Variants in PHLDB3 observed in about 807,000 individuals in gnomAD.
The protein encoded by PHLDB3 is pleckstrin homology-like domain family B member 3.
In PHLDB3, 86 loss-of-function variants were observed where a neutral mutation model predicts 85.7. That is an observed-to-expected ratio of 1.00 (90% confidence interval 0.84 to 1.20). The LOEUF is 1.20. Ranked by LOEUF, PHLDB3 falls within the 50% of genes most tolerant of loss-of-function variation. PHLDB3 has a pLI of 0.00. For synonymous variants in PHLDB3, 376 were observed against 349.8 expected (o/e 1.07, Z -0.83); for missense variants, 995 against 873.0 (o/e 1.14, Z -1.76).
chr19:43,503,192 C>T (rs1432349444), intron 2 of PHLDB3, among the ~76,000 whole-genome samples: 1 of 152,108 alleles, frequency 6.6e-6, no homozygotes, highest in Non-Finnish European at 1.5e-5. Flanking sequence ...CTCCATGTCT[C>T]TGGGTCTCTG....
rs751976986 is a variant in PHLDB3, at chr19:43,504,113, C to G, written c.6G>C (p.Gly2=). 4 of 1,597,110 alleles carry G rather than the reference C, an allele frequency of 2.5e-6. No individual in the cohort carries two copies. Among genetic ancestry groups the G allele is most frequent in the Non-Finnish European group, 3.4e-6 (4 of 1,172,802 alleles). Residue 2 remains glycine, a synonymous_variant, in exon 2 of 16, where the codon GGG becomes GGC. Coordinates refer to ENST00000292140, the MANE Select transcript of PHLDB3 (RefSeq NM_198850.4). M[G]TRSSPEEGTP... ...TCCCCTCCTCGGGGCTGCTTCGCGT[C>G]CCCATGGCCGCTGGGACTCCTGCGG...
intron 4 of PHLDB3, among the ~76,000 whole-genome samples, chr19:43,498,200 G>A (rs1971509808): frequency 6.6e-6 from 1 of 152,114 alleles, no homozygotes; most frequent in South Asian, 2.1e-4. Context: ...TTAGTGGAGT[G>A]TGTTAGTGCA....
In PHLDB3 at chr19:43,495,272, T is replaced by C; in HGVS notation, c.1019A>G (p.Asn340Ser). 1.9e-6 allele frequency: 3 copies of C among 1,613,660 alleles called. No individual in the cohort carries two copies. Among genetic ancestry groups the C allele is most frequent in the Non-Finnish European group, 1.7e-6 (2 of 1,179,788 alleles). ...GTPGGDFSEP[N>S]PALTKLLFTQ... ...TCCCCATACCTTAGTGAGGGCCGGGTTGGGCTCAGAGAAGTCCCCGCCAGG... is the reference window on the plus strand; with the variant it reads ...TCCCCATACCTTAGTGAGGGCCGGGCTGGGCTCAGAGAAGTCCCCGCCAGG... The change falls in exon 8 of 16, where the codon AAC (asparagine) becomes AGC (serine). Residue 340 changes from asparagine (N) to serine (S), a missense_variant. Physicochemically the swap from Asn to Ser is conservative, Grantham distance 46 (BLOSUM62 1). Transcript: ENST00000292140.
intron 5 of PHLDB3, 66 bp downstream of exon 5, chr19:43,497,682 A>G: frequency 1.3e-6 from 2 of 1,510,766 alleles, no homozygotes; most frequent in Non-Finnish European, 1.8e-6. Flanking sequence ...ACTGCACTCC[A>G]GCCTGGGCAA....
At position 43,479,570 on chromosome 19, in the gene PHLDB3, A is replaced by T; in HGVS notation, c.1509T>A (p.Pro503=). The change falls in exon 14 of 16, where the codon CCT becomes CCA. Residue 503 remains proline, a synonymous_variant. Coordinates refer to ENST00000292140, the MANE Select transcript of PHLDB3 (RefSeq NM_198850.4). ...AITAPPTPPH[P]PGPRILDLRQ... is the part of the protein sequence containing the mutation. ...GGAGATCCAAGATTCGCGGGCCTGG[A>T]GGGTGGGGTGGGGTGGGTGGGGCCT... The T allele has an allele frequency of 1.3e-4, 19 of 145,794 alleles. No homozygotes were observed. Among genetic ancestry groups the T allele is most frequent in the Non-Finnish European group, 2.1e-4 (18 of 84,648 alleles). 9.0% of individuals were successfully genotyped at this position (145,794 alleles called of 1,614,324 possible).
chr19:43,482,105 G>A (rs1374327159), intron 13 of PHLDB3, among the ~76,000 whole-genome samples: 3 of 136,582 alleles, frequency 2.2e-5, no homozygotes, highest in African/African-American at 4.9e-5. Flanking sequence ...ACCCATTAAT[G>A]TTCCTGCTAG....
intron 15 of PHLDB3, among the ~76,000 whole-genome samples, chr19:43,476,952 A>G (rs1179078563): frequency 6.6e-6 from 1 of 151,146 alleles, no homozygotes; most frequent in African/African-American, 2.4e-5. Flanking sequence ...CATCTCCTTT[A>G]TTTATTTTTC....
Position 43,501,816 on chromosome 19 carries a change from G to A in PHLDB3, c.452C>T (p.Ala151Val), listed in dbSNP as rs1485358817. 7.6e-6 allele frequency: 12 copies of A among 1,588,228 alleles called. No individual in the cohort carries two copies. The highest frequency in any genetic ancestry group is 1.0e-5 in the Non-Finnish European group (12 of 1,168,492). The change falls in exon 4 of 16, where the codon GCT becomes GTT. Residue 151 changes from alanine (A) to valine (V), a missense_variant. Transcript: ENST00000292140. Reference sequence around the variant, plus strand: ...CCGCAGCTGCTCCTCCTCCCGGCGAGCGGCCACTCGCTCCCCAGCCAGCTC... The same window carrying A: ...CCGCAGCTGCTCCTCCTCCCGGCGAACGGCCACTCGCTCCCCAGCCAGCTC... ...RGELAGERVA[A>V]RREEEQLREL...
rs766045542 is a variant in PHLDB3 at position 43,497,169 on chromosome 19, C to A, written c.774G>T (p.Gln258His). 19 of 1,558,644 alleles carry A rather than the reference C, an allele frequency of 1.2e-5. 1 individual carries two copies. In the South Asian group the frequency reaches 1.8e-4, roughly 15 times the overall value. Residue 258 changes from glutamine to histidine, a missense_variant, in exon 6 of 16, where the codon CAG becomes CAT. Coordinates refer to ENST00000292140, the MANE Select transcript of PHLDB3 (RefSeq NM_198850.4). ...EEEDRDSPGP[Q>H]VPDPKVQELQ... ...GTTCCTGGACCTTGGGGTCTGGCACCTGGGGCCCAGGGCTGTCCCGATCCT... is the reference window on the plus strand; with the variant it reads ...GTTCCTGGACCTTGGGGTCTGGCACATGGGGCCCAGGGCTGTCCCGATCCT...
intron 9 of PHLDB3, among the ~76,000 whole-genome samples, chr19:43,491,579 G>A (rs565165440): frequency 2.0e-5 from 3 of 151,618 alleles, no homozygotes; most frequent in South Asian, 2.1e-4. Flanking sequence ...TTAGCTCACC[G>A]AAACCTCCAT....
chr19:43,475,505 C>T lies in PHLDB3; in HGVS notation c.1828G>A (p.Glu610Lys). 6.2e-7 allele frequency: 1 copy of T among 1,613,850 alleles called. No homozygotes were observed. Among genetic ancestry groups the T allele is most frequent in the Non-Finnish European group, 8.5e-7 (1 of 1,179,858 alleles). ...PRLTFCVKTYERLFYMVAPSP... is the reference protein window; with the variant it reads ...PRLTFCVKTYKRLFYMVAPSP... Reference sequence around the variant, plus strand: ...GGAGCCACCATGTAGAAAAGGCGTTCGTAGGTTTTGACGCAGAAGGTCAGG... The same window carrying T: ...GGAGCCACCATGTAGAAAAGGCGTTTGTAGGTTTTGACGCAGAAGGTCAGG... The change falls in exon 16 of 16, where the codon GAA becomes AAA. Residue 610 changes from glutamate (E) to lysine (K), a missense_variant. Glu to Lys is a moderately conservative substitution (Grantham distance 56). Coordinates refer to ENST00000292140, the MANE Select transcript of PHLDB3 (RefSeq NM_198850.4).
chr19:43,478,217 C>A (rs1321211683), intron 14 of PHLDB3, 85 bp from the exon 15 acceptor site: 2 of 1,006,520 alleles, frequency 2.0e-6, no homozygotes, highest in Non-Finnish European at 1.5e-6. Context: ...GCCCTAAGTC[C>A]TGAGACTGGA....
intron 10 of PHLDB3, 63 bp from the exon 11 acceptor site, chr19:43,486,933 C>T: frequency 4.1e-6 from 6 of 1,479,868 alleles, no homozygotes; most frequent in Non-Finnish European, 5.4e-6. Context: ...ATCCACTTCT[C>T]CCCTGCAGGC....
intron 9 of PHLDB3, among the ~76,000 whole-genome samples, chr19:43,487,698 A>G (rs1264758986): frequency 1.3e-5 from 2 of 151,990 alleles, no homozygotes; most frequent in Non-Finnish European, 2.9e-5. Flanking sequence ...CCGAGAGGCT[A>G]AGGGATGCAG....
At chr19:43,475,690 G>T in intron 15 of PHLDB3, 146 bp from the exon 16 acceptor site, 1 of 992,278 alleles carries the variant, frequency 1.0e-6, no homozygotes, top group Non-Finnish European at 1.5e-6. Flanking sequence ...CTTCCCAAAT[G>T]ATGCCACCTA....
chr19:43,475,873 G>A (rs1018992878), intron 15 of PHLDB3, among the ~76,000 whole-genome samples: 10 of 152,078 alleles, frequency 6.6e-5, no homozygotes, highest in African/African-American at 2.4e-4. Flanking sequence ...TTGGCTCACT[G>A]CAACCTCCAC....
chr19:43,503,310 C>CTCTCTCTCTT (rs1213508738), intron 2 of PHLDB3, among the ~76,000 whole-genome samples: 3 of 117,236 alleles, frequency 2.6e-5, no homozygotes, highest in Non-Finnish European at 5.4e-5. Flanking sequence ...CTCTCTCTCT[C>CTCTCTCTCTT]TCTCTCATTT....
chr19:43,481,504 G>C (rs746745111), intron 13 of PHLDB3, among the ~76,000 whole-genome samples: 7 of 152,154 alleles, frequency 4.6e-5, no homozygotes, highest in Non-Finnish European at 7.4e-5. Flanking sequence ...TGTAATCCCA[G>C]CTACTCAGGA....
At chr19:43,494,551 C>A in intron 9 of PHLDB3, 151 bp downstream of exon 9, 1 of 609,748 alleles carries the variant, frequency 1.6e-6, no homozygotes, top group Non-Finnish European at 2.8e-6. Flanking sequence ...TAGGAATAAC[C>A]CTTGGCCAAC....
Sources: allele counts gnomAD v4.1 joint callset (sites outside exome capture counted in the v4.1 genomes callset), GRCh38; gene constraint gnomAD v4.1.1; transcripts MANE v1.5; gene names NCBI Gene and HGNC (gene_info 2026-07-23, HGNC 2026-07-21).